The following TENM2 variants were observed in gnomAD, a reference collection of about 807,000 sequenced individuals.
The protein encoded by TENM2 is teneurin-2.
In TENM2, 52 loss-of-function variants were observed where a neutral mutation model predicts 245.2. That is an observed-to-expected ratio of 0.21 (90% confidence interval 0.17 to 0.27). The LOEUF (loss-of-function observed/expected upper bound fraction) is 0.27. Among genes scored for constraint, TENM2 ranks in the 10% least tolerant of loss-of-function variants. TENM2 has a pLI of 1.00. For missense variants in TENM2, 3,046 were observed against 3,666.8 expected (o/e 0.83, Z 4.37); for synonymous variants, 1,363 against 1,438.9 (o/e 0.95, Z 1.19).
the TENM2 span, among the ~76,000 whole-genome samples, chr5:167,018,735 A>G: frequency 6.6e-6 from 1 of 151,678 alleles, no homozygotes; most frequent in Non-Finnish European, 1.5e-5. Context: ...ACAAAAGTGA[A>G]AGAAAATTTA....
At chr5:168,199,799 CG>C (rs755080629) in intron 16 of TENM2, 64 bp from the exon 19 acceptor site, 8 of 1,531,260 alleles carry the variant, frequency 5.2e-6, no homozygotes, top group African/African-American at 1.4e-5. Context: ...CAGACAGTAT[CG>C]GGGTTACAGT....
chr5:168,223,207 A>G (rs1438499162), intron 23 of TENM2, among the ~76,000 whole-genome samples: 1 of 152,204 alleles, frequency 6.6e-6, no homozygotes, highest in Admixed American at 6.5e-5. Context: ...CCTAAAGTAG[A>G]AACTCCAATT....
chr5:167,041,994 C>G, the TENM2 span, among the ~76,000 whole-genome samples: 3 of 152,192 alleles, frequency 2.0e-5, no homozygotes, highest in Non-Finnish European at 4.4e-5. Flanking sequence ...TAGCATTTGT[C>G]TGTCTGACCT....
intron 17 of TENM2, among the ~76,000 whole-genome samples, chr5:168,203,293 C>T (rs1038033897): frequency 4.6e-5 from 7 of 152,202 alleles, no homozygotes; most frequent in African/African-American, 1.7e-4. Flanking sequence ...ATAAATAACA[C>T]AAAATATAAT....
intron 8 of TENM2, among the ~76,000 whole-genome samples, chr5:168,095,006 C>T (rs955869199): frequency 6.0e-5 from 9 of 150,290 alleles, no homozygotes; most frequent in Admixed American, 2.0e-4. Context: ...GTCACTGTCT[C>T]CCATCACCCC....
intron 1 of TENM2, among the ~76,000 whole-genome samples, chr5:167,374,339 A>G (rs1175375897): frequency 6.6e-6 from 1 of 152,186 alleles, no homozygotes; most frequent in Non-Finnish European, 1.5e-5. Context: ...GGTGTGTAAT[A>G]GGCTAGACCA....
intron 5 of TENM2, among the ~76,000 whole-genome samples, chr5:167,996,038 T>C (rs1445560931): frequency 6.6e-6 from 1 of 152,158 alleles, no homozygotes; most frequent in African/African-American, 2.4e-5. Context: ...AGGACCTTTA[T>C]GGGCAGGCAG....
intron 2 of TENM2, among the ~76,000 whole-genome samples, chr5:167,387,452 T>C (rs918717312): frequency 1.3e-5 from 2 of 152,154 alleles, no homozygotes; most frequent in Non-Finnish European, 2.9e-5. Flanking sequence ...TAAACAATCA[T>C]ATCATCAGCA....
intron 2 of TENM2, among the ~76,000 whole-genome samples, chr5:167,744,547 C>T (rs1761423504): frequency 6.6e-6 from 1 of 152,146 alleles, no homozygotes; most frequent in East Asian, 1.9e-4. Flanking sequence ...TTTTTAAGTA[C>T]TTTGGGCCAT....
chr5:167,008,534 T>G, the TENM2 span, among the ~76,000 whole-genome samples: 2 of 152,222 alleles, frequency 1.3e-5, no homozygotes, highest in African/African-American at 4.8e-5. Flanking sequence ...TTGAGTCTCC[T>G]TACATTTGAT....
At chr5:167,867,529 A>G (rs1002175889) in intron 2 of TENM2, among the ~76,000 whole-genome samples, 5 of 152,340 alleles carry the variant, frequency 3.3e-5, no homozygotes, top group African/African-American at 1.2e-4. Context: ...TAGTTTTGCC[A>G]GGGCCATCTG....
intron 3 of TENM2, among the ~76,000 whole-genome samples, chr5:167,876,904 G>T (rs1368794691): frequency 6.6e-6 from 1 of 152,136 alleles, no homozygotes; most frequent in African/African-American, 2.4e-5. Context: ...TGAAGATTTT[G>T]TGGCCACTGT....
At chr5:167,028,544 T>C in the TENM2 span, among the ~76,000 whole-genome samples, 10 of 152,238 alleles carry the variant, frequency 6.6e-5, no homozygotes, top group Admixed American at 2.0e-4. Flanking sequence ...TAATATTTCT[T>C]TACCAAATTT....
At chr5:167,370,805 G>C (rs566082673) in intron 1 of TENM2, among the ~76,000 whole-genome samples, 3 of 152,322 alleles carry the variant, frequency 2.0e-5, no homozygotes, top group African/African-American at 7.2e-5. Flanking sequence ...CTTTCTGAAA[G>C]ATAGTAAAGA....
chr5:167,674,034 T>G (rs1452368263), intron 2 of TENM2, among the ~76,000 whole-genome samples: 1 of 152,194 alleles, frequency 6.6e-6, no homozygotes, highest in African/African-American at 2.4e-5. Flanking sequence ...AATTTGAATG[T>G]TCTGTAATGA....
chr5:167,621,950 T>C (rs1180013303), intron 2 of TENM2, among the ~76,000 whole-genome samples: 1 of 152,200 alleles, frequency 6.6e-6, no homozygotes, highest in Non-Finnish European at 1.5e-5. Context: ...CACAAGAAGT[T>C]CGTACTACAT....
chr5:168,091,997 G>A (rs1792984410), intron 8 of TENM2, among the ~76,000 whole-genome samples: 1 of 152,140 alleles, frequency 6.6e-6, no homozygotes, highest in African/African-American at 2.4e-5. Context: ...ATGTGTTGGT[G>A]GTCACTAAGT....
At chr5:168,119,857 C>T (rs1795347989) in intron 10 of TENM2, among the ~76,000 whole-genome samples, 1 of 152,156 alleles carries the variant, frequency 6.6e-6, no homozygotes, top group African/African-American at 2.4e-5. Flanking sequence ...CCAAGATATC[C>T]CCATAGAAAA....
At chr5:168,118,160 C>A in intron 9 of TENM2, 132 bp from the exon 12 acceptor site, 1 of 602,126 alleles carries the variant, frequency 1.7e-6, no homozygotes, top group Non-Finnish European at 2.7e-6. Flanking sequence ...TCTGCACCTG[C>A]ACAGCCAGAG....
Sources: allele counts gnomAD v4.1 joint callset (sites outside exome capture counted in the v4.1 genomes callset), GRCh38; gene constraint gnomAD v4.1.1; transcripts MANE v1.5; gene names NCBI Gene and HGNC (gene_info 2026-07-23, HGNC 2026-07-21).